The following CWC27 variants were observed in gnomAD, a reference collection of about 807,000 sequenced individuals.
CWC27 encodes the protein spliceosome-associated protein CWC27 homolog.
Under a neutral mutation model 63.6 loss-of-function variants are expected in CWC27, and 47 were observed. That is an observed-to-expected ratio of 0.74 (90% CI 0.58 to 0.94). The LOEUF is 0.94. Among genes scored for constraint, CWC27 ranks in the 40% least tolerant of loss-of-function variants. CWC27 has a pLI of 0.00. For missense variants in CWC27, 495 were observed against 554.3 expected (o/e 0.89, Z 1.07); for synonymous variants, 175 against 179.8 (o/e 0.97, Z 0.22).
intron 11 of CWC27, among the ~76,000 whole-genome samples, chr5:64,963,777 C>T (rs563077766): frequency 6.6e-6 from 1 of 152,208 alleles, no homozygotes; most frequent in Admixed American, 6.5e-5. Context: ...AACTGTCTGC[C>T]TATTTGTTTG....
At chr5:64,801,472 A>G (rs1467039504) in intron 9 of CWC27, 140 bp downstream of exon 9, 1 of 712,254 alleles carries the variant, frequency 1.4e-6, no homozygotes, top group East Asian at 4.5e-5. Context: ...AAAAATATGA[A>G]AAACAGAAAT....
At chr5:64,960,995 C>T (rs1165737320) in intron 11 of CWC27, among the ~76,000 whole-genome samples, 2 of 151,872 alleles carry the variant, frequency 1.3e-5, no homozygotes, top group Non-Finnish European at 2.9e-5. Flanking sequence ...CCTGAGACAA[C>T]AGAGGGTATA....
At chr5:64,931,779 G>A (rs921654047) in intron 11 of CWC27, among the ~76,000 whole-genome samples, 19 of 151,954 alleles carry the variant, frequency 1.3e-4, no homozygotes, top group African/African-American at 4.6e-4. Context: ...GTATCAAATG[G>A]TATGTATCCA....
intron 13 of CWC27, among the ~76,000 whole-genome samples, chr5:64,988,660 A>G (rs1210126947): frequency 2.0e-5 from 3 of 149,694 alleles, no homozygotes; most frequent in East Asian, 1.9e-4. Flanking sequence ...CTGTAGTGCA[A>G]TGGTGCAATC....
Position 65,013,720 on chromosome 5 carries a change from A to T in CWC27, c.1257-4439A>T, listed in dbSNP as rs577995572. On this transcript the variant is annotated intron_variant, in intron 13 of 13. Transcript: ENST00000381070. ...TGGATCTGGGAAGGAAATAGTACAGATGTACAACAATTAGGACACCTGCAA... is the reference window on the plus strand; with the variant it reads ...TGGATCTGGGAAGGAAATAGTACAGTTGTACAACAATTAGGACACCTGCAA... Among the ~76,000 whole-genome samples the T allele has an allele frequency of 2.0e-5, 3 of 152,336 alleles. No homozygotes were observed. The South Asian group carries it at 6.2e-4, about 32-fold the overall frequency.
chr5:64,977,406 A>G (rs748482433), intron 13 of CWC27, among the ~76,000 whole-genome samples, 168 bp downstream of exon 13: 4 of 152,256 alleles, frequency 2.6e-5, no homozygotes, highest in Non-Finnish European at 5.9e-5. Context: ...AGTAAAATAA[A>G]TAAACACACC....
chr5:64,768,976 T>C lies in CWC27; in HGVS notation c.-171T>C. The C allele has an allele frequency of 1.6e-6, 1 of 606,640 alleles. No homozygotes were observed. Among genetic ancestry groups the C allele is most frequent in the Non-Finnish European group, 2.9e-6 (1 of 340,190 alleles). The allele number at this position is 606,640 out of a possible 1,614,324, so 37.6% of individuals were successfully genotyped here. A position where few individuals can be genotyped will look rare whatever the true frequency, so the allele number is the denominator to read the frequency against. On this transcript the variant is annotated 5_prime_UTR_variant, in exon 1 of 14. Transcript: ENST00000381070. ...CAACATGGCGGCGTCCGTGAGGGGCTCCTTTGGGCAGGGGTAGTGTTTGGT... is the reference window on the plus strand; with the variant it reads ...CAACATGGCGGCGTCCGTGAGGGGCCCCTTTGGGCAGGGGTAGTGTTTGGT...
intron 13 of CWC27, among the ~76,000 whole-genome samples, chr5:64,993,775 T>C (rs1749583381): frequency 6.6e-6 from 1 of 152,178 alleles, no homozygotes; most frequent in Admixed American, 6.5e-5. Flanking sequence ...TCCTTGGGAT[T>C]AGCATAATGT....
chr5:64,795,352 G>T (rs771397560), intron 7 of CWC27, among the ~76,000 whole-genome samples: 1 of 151,916 alleles, frequency 6.6e-6, no homozygotes, highest in African/African-American at 2.4e-5. Flanking sequence ...TATTAATTTC[G>T]TATTACTGTT....
chr5:64,926,725 CA>C (rs776678690), intron 11 of CWC27, among the ~76,000 whole-genome samples: 4 of 151,836 alleles, frequency 2.6e-5, no homozygotes, highest in Admixed American at 6.6e-5. Flanking sequence ...GGGCAGACTT[CA>C]AATAAAGAGA....
chr5:64,882,798 A>G (rs987915696), intron 10 of CWC27, among the ~76,000 whole-genome samples: 1 of 152,038 alleles, frequency 6.6e-6, no homozygotes, highest in Non-Finnish European at 1.5e-5. Flanking sequence ...GAGTTTCACC[A>G]TGTTAGCCAG....
chr5:64,772,591 C>G (rs890424329), intron 1 of CWC27, among the ~76,000 whole-genome samples: 1 of 126,588 alleles, frequency 7.9e-6, no homozygotes, highest in African/African-American at 3.1e-5. Flanking sequence ...CACACCACTG[C>G]ACTCGGGTCT....
At chr5:64,783,802 C>T in intron 3 of CWC27, 34 bp from the exon 4 acceptor site, 1 of 1,519,582 alleles carries the variant, frequency 6.6e-7, no homozygotes, top group Non-Finnish European at 8.8e-7. Context: ...GGTCTTATAA[C>T]TGAGGACATT....
Position 64,808,269 on chromosome 5 carries a change from G to A in CWC27, c.938+3883G>A, listed in dbSNP as rs184588245. On this transcript the variant is annotated intron_variant, in intron 10 of 13. Transcript: ENST00000381070. Reference sequence around the variant, plus strand: ...TAGAATATTAATTTTTATCCCTACTGCTCCTGGATGAGTTCAAGTTTGTAT... The same window carrying A: ...TAGAATATTAATTTTTATCCCTACTACTCCTGGATGAGTTCAAGTTTGTAT... 1,243 of 993,622 alleles carry A rather than the reference G, an allele frequency of 1.3e-3. 2 individuals carry two copies. Among genetic ancestry groups the A allele is most frequent in the Middle Eastern group, 9.3e-3 (18 of 1,926 alleles). 61.6% of individuals were successfully genotyped at this position (993,622 alleles called of 1,614,324 possible).
At chr5:64,917,758 G>C (rs1747918849) in intron 11 of CWC27, among the ~76,000 whole-genome samples, 1 of 151,960 alleles carries the variant, frequency 6.6e-6, no homozygotes, top group South Asian at 2.1e-4. Context: ...ACTCTTGTTG[G>C]GTCTGAAGCC....
chr5:64,964,905 T>C (rs942690758), intron 11 of CWC27, among the ~76,000 whole-genome samples: 1 of 152,132 alleles, frequency 6.6e-6, no homozygotes, highest in African/African-American at 2.4e-5. Context: ...ATCAAATTGG[T>C]ATTAAATGAT....
intron 13 of CWC27, among the ~76,000 whole-genome samples, chr5:64,997,156 A>G (rs1041076052): frequency 2.4e-4 from 36 of 152,164 alleles, no homozygotes; most frequent in Non-Finnish European, 8.8e-5. Flanking sequence ...TGCCACATTT[A>G]CCCCTAATTT....
chr5:64,994,384 C>T (rs1749592900), intron 13 of CWC27, among the ~76,000 whole-genome samples: 1 of 152,004 alleles, frequency 6.6e-6, no homozygotes, highest in African/African-American at 2.4e-5. Context: ...TGAAGAAATT[C>T]ATCCCATTTT....
At position 64,807,858 on chromosome 5, in the gene CWC27, A is replaced by C. The variant is rs925616167; in HGVS notation, c.938+3472A>C. 55 of 1,503,086 alleles carry C rather than the reference A, an allele frequency of 3.7e-5. No individual in the cohort carries two copies. In the African/African-American group the frequency reaches 6.5e-4, roughly 18 times the overall value. The allele number at this position is 1,503,086 out of a possible 1,614,324, so 93.1% of individuals were successfully genotyped here. ...TTTCTCTTCCCCGCTTCGAGAGTAA[A>C]AACTAACAAAACCATTCCATTTTAT... On this transcript the variant is annotated intron_variant, in intron 10 of 13. Transcript: ENST00000381070.
Sources: allele counts gnomAD v4.1 joint callset (sites outside exome capture counted in the v4.1 genomes callset), GRCh38; gene constraint gnomAD v4.1.1; transcripts MANE v1.5; gene names NCBI Gene and HGNC (gene_info 2026-07-23, HGNC 2026-07-21).